The following SF3B6 variants were observed in gnomAD, a reference collection of about 807,000 sequenced individuals.
SF3B6 encodes SF3b 14 kDa subunit.
In SF3B6, 3 loss-of-function variants were observed where a neutral mutation model predicts 15.9. That is an observed-to-expected ratio of 0.19 (90% CI 0.09 to 0.49). SF3B6 has a LOEUF of 0.49. SF3B6 is among the 20% of genes least tolerant of loss of function. SF3B6 has a pLI of 0.97. For missense variants in SF3B6, 71 were observed against 154.3 expected (o/e 0.46, Z 2.86); for synonymous variants, 49 against 51.1 (o/e 0.96, Z 0.18).
intron 2 of SF3B6, among the ~76,000 whole-genome samples, chr2:24,068,834 GTTTTGT>G (rs900179732): frequency 2.8e-4 from 43 of 152,012 alleles, no homozygotes; most frequent in African/African-American, 8.0e-4. Context: ...TCTTTGTTTT[GTTTTGT>G]TTTTGTTTTT....
At position 24,068,435 on chromosome 2, in the gene SF3B6, TC is replaced by T. The variant is rs781297034; in HGVS notation, c.173del (p.Gly58GlufsTer53). ...IRVGNTPETR[G>X]TAYVVYEDIF... ...TGTCCTCATAGACCACATAAGCTGTTCCTCTAGTTTCAGGTGTGTTCCCCCT... is the reference window on the plus strand; with the variant it reads ...TGTCCTCATAGACCACATAAGCTGTTCTCTAGTTTCAGGTGTGTTCCCCCT... On this transcript the variant is annotated frameshift_variant, in exon 3 of 4. Coordinates refer to ENST00000233468, the MANE Select transcript of SF3B6 (RefSeq NM_016047.4). LOFTEE classifies it high-confidence loss of function. 6.2e-7 allele frequency: 1 copy of T among 1,613,568 alleles called. No homozygotes were observed. Among genetic ancestry groups the T allele is most frequent in the Non-Finnish European group, 8.5e-7 (1 of 1,179,840 alleles).
intron 1 of SF3B6, 50 bp from the exon 2 acceptor site, chr2:24,074,244 A>G (rs773375957): frequency 1.0e-6 from 1 of 973,756 alleles, no homozygotes; most frequent in African/African-American, 1.7e-5. Context: ...ATTCTAAAAA[A>G]TTATAATTTA....
Position 24,076,236 on chromosome 2 carries a change from G to T in SF3B6, c.-7C>A, listed in dbSNP as rs561003609. 452 of 1,614,180 alleles carry T rather than the reference G, an allele frequency of 2.8e-4. 8 individuals carry two copies. In the South Asian group the frequency reaches 4.7e-3, roughly 17 times the overall value. The stretch of plus-strand genomic sequence containing the variant: ...TGGCCGCTTGCATCGCCATCTTGGC[G>T]GGCTGATGAAGTTACCGTAGCAGAT... On this transcript the variant is annotated 5_prime_UTR_variant, in exon 1 of 4. Transcript: ENST00000233468.
intron 2 of SF3B6, among the ~76,000 whole-genome samples, chr2:24,071,440 A>G (rs1664650304): frequency 6.6e-6 from 1 of 151,480 alleles, no homozygotes; most frequent in Non-Finnish European, 1.5e-5. Flanking sequence ...CCCCATCTCT[A>G]CTAAAAATAC....
chr2:24,069,394 G>C (rs1664614650), intron 2 of SF3B6, among the ~76,000 whole-genome samples: 1 of 152,224 alleles, frequency 6.6e-6, no homozygotes, highest in African/African-American at 2.4e-5. Flanking sequence ...CTCTGGGAGA[G>C]GTAGAGAAGT....
Position 24,074,169 on chromosome 2 carries a change from C to A in SF3B6, c.56G>T (p.Arg19Leu). The change falls in exon 2 of 4, where the codon CGG becomes CTG. Residue 19 changes from arginine to leucine, a missense_variant. By Grantham distance (102) the Arg-to-Leu change is moderately radical (BLOSUM62 -2). Around this residue, in one of 3 missense-constraint regions of SF3B6, gnomAD observed 17 missense variants for 19.9 expected, o/e 0.86. Coordinates refer to ENST00000233468, the MANE Select transcript of SF3B6 (RefSeq NM_016047.4). ...ANIRLPPEVN[R>L]ILYIRNLPYK... is the part of the protein sequence containing the mutation. ...TGGCAAATTTCTTATATACAATATC[C>A]GATTTACTTCAGGTGGAAGTCGAAT... 1 of 1,597,210 alleles carries A rather than the reference C, an allele frequency of 6.3e-7. No individual in the cohort carries two copies. The highest frequency in any genetic ancestry group is 1.1e-5 in the South Asian group (1 of 89,950).
chr2:24,076,326 C>CTG (rs1664748802), upstream of SF3B6: 1 of 1,439,612 alleles, frequency 6.9e-7, no homozygotes, highest in Non-Finnish European at 9.8e-7. Flanking sequence ...AGGACATCAA[C>CTG]ATCCAGGACC....
At chr2:24,069,457 T>C (rs2150977449) in intron 2 of SF3B6, among the ~76,000 whole-genome samples, 1 of 152,306 alleles carries the variant, frequency 6.6e-6, no homozygotes, top group Admixed American at 6.5e-5. Flanking sequence ...ATGTGACTGT[T>C]AGTGGAGACA....
rs376607263 is a variant in SF3B6, at chr2:24,072,612, G to C, written c.149+1464C>G. 5.3e-5 allele frequency among the ~76,000 whole-genome samples: 8 copies of C among 152,310 alleles called. No individual in the cohort carries two copies. In the South Asian group the frequency reaches 1.2e-3, roughly 24 times the overall value. On this transcript the variant is annotated intron_variant, in intron 2 of 3. Transcript: ENST00000233468. ...TAGGTTAGGAAGACTGTATTTCATA[G>C]ATAATTGAAACCCAGATAAGGTTAA...
intron 2 of SF3B6, among the ~76,000 whole-genome samples, chr2:24,072,807 C>T (rs1366164274): frequency 6.6e-6 from 1 of 152,234 alleles, no homozygotes; most frequent in Non-Finnish European, 1.5e-5. Context: ...TGGCTAGTAA[C>T]AAGGCCTGAA....
At chr2:24,075,360 T>G (rs1361606952) in intron 1 of SF3B6, among the ~76,000 whole-genome samples, 1 of 77,474 alleles carries the variant, frequency 1.3e-5, no homozygotes, top group Non-Finnish European at 2.8e-5. Context: ...TTTCTTTCTG[T>G]TTTTTTTTTT....
chr2:24,076,267 A>C lies in SF3B6; in HGVS notation c.-38T>G, dbSNP rs1307521065. 1.2e-6 allele frequency: 2 copies of C among 1,614,010 alleles called. No homozygotes were observed. The highest frequency in any genetic ancestry group is 2.2e-5 in the South Asian group (2 of 91,078). On this transcript the variant is annotated 5_prime_UTR_variant, in exon 1 of 4. In the 5' UTR this introduces an upstream ATG that the reference lacks. Coordinates refer to ENST00000233468, the MANE Select transcript of SF3B6 (RefSeq NM_016047.4). Reference sequence around the variant, plus strand: ...ATGAAGTTACCGTAGCAGATACTGAAATTCCTCCGGAGCTCGCTCGGCTTC... The same window carrying C: ...ATGAAGTTACCGTAGCAGATACTGACATTCCTCCGGAGCTCGCTCGGCTTC...
At chr2:24,074,247 A>G in intron 1 of SF3B6, 53 bp from the exon 2 acceptor site, 2 of 883,264 alleles carry the variant, frequency 2.3e-6, no homozygotes, top group Non-Finnish European at 3.6e-6. Flanking sequence ...CTAAAAAATT[A>G]TAATTTAAAT....
intron 2 of SF3B6, among the ~76,000 whole-genome samples, chr2:24,069,108 A>G (rs1194468561): frequency 3.3e-5 from 5 of 152,154 alleles, no homozygotes. Flanking sequence ...CAGCCTCCCA[A>G]GGTGTTGGAA....
At chr2:24,073,085 A>G (rs1189051476) in intron 2 of SF3B6, among the ~76,000 whole-genome samples, 1 of 152,204 alleles carries the variant, frequency 6.6e-6, no homozygotes, top group Non-Finnish European at 1.5e-5. Context: ...AGTACCAATG[A>G]TCATGTATTT....
At position 24,067,654 on chromosome 2, in the gene SF3B6, T is replaced by C. The variant is rs112409423; in HGVS notation, c.*108A>G. On this transcript the variant is annotated 3_prime_UTR_variant, in exon 4 of 4. Coordinates refer to ENST00000233468, the MANE Select transcript of SF3B6 (RefSeq NM_016047.4). ...ATGTATCAAAGTTTCAAGCAGGTCA[T>C]TTTGAACCTCAAATAAGAAATCACA... The C allele has an allele frequency of 5.6e-6, 5 of 900,586 alleles. No homozygotes were observed. In the African/African-American group the frequency reaches 6.7e-5, roughly 12 times the overall value. 55.8% of individuals were successfully genotyped at this position (900,586 alleles called of 1,614,324 possible).
At chr2:24,072,195 AG>A (rs1664663450) in intron 2 of SF3B6, among the ~76,000 whole-genome samples, 1 of 152,038 alleles carries the variant, frequency 6.6e-6, no homozygotes, top group Non-Finnish European at 1.5e-5. Flanking sequence ...CCATTTGGCC[AG>A]GGTGGTCTCG....
In SF3B6 at chr2:24,076,215, C is replaced by G; in HGVS notation, c.15G>C (p.Ala5=). Reference sequence around the variant, plus strand: ...CGATACTCACGTTCGCCCTCTTGGCCGCTTGCATCGCCATCTTGGCGGGCT... The same window carrying G: ...CGATACTCACGTTCGCCCTCTTGGCGGCTTGCATCGCCATCTTGGCGGGCT... MAMQ[A]AKRANIRLPP... The change falls in exon 1 of 4, where the codon GCG becomes GCC. Residue 5 remains alanine (A), a synonymous_variant. Transcript: ENST00000233468. The G allele has an allele frequency of 6.2e-7, 1 of 1,614,190 alleles. No individual in the cohort carries two copies. Among genetic ancestry groups the G allele is most frequent in the Non-Finnish European group, 8.5e-7 (1 of 1,180,038 alleles).
chr2:24,074,314 C>A (rs1664699807), intron 1 of SF3B6, 120 bp from the exon 2 acceptor site: 1 of 583,464 alleles, frequency 1.7e-6, no homozygotes, highest in Non-Finnish European at 3.0e-6. Flanking sequence ...TAATAAAAAG[C>A]CAAGAATAAG....
Sources: gnomAD v4.1 joint callset for allele counts (sites outside exome capture counted in the v4.1 genomes callset) on GRCh38, gnomAD v4.1.1 for gene constraint, gnomAD v4.1.1 regional missense constraint, MANE v1.5 for transcripts, NCBI Gene and HGNC (gene_info 2026-07-23, HGNC 2026-07-21) for gene names.